Variants in TRPV5 observed in about 807,000 individuals in gnomAD.
The protein encoded by TRPV5 is calcium transport protein 2.
In TRPV5, 66 loss-of-function variants were observed where a neutral mutation model predicts 74.1. That is an observed-to-expected ratio of 0.89 (90% CI 0.73 to 1.09). The LOEUF (loss-of-function observed/expected upper bound fraction) is 1.09, where lower values mean the gene tolerates loss of function less well. Among genes scored for constraint, TRPV5 ranks in the 50% least tolerant of loss-of-function variants. The probability of loss-of-function intolerance (pLI) is 0.00; values close to 1 mark genes in which losing one functional copy is unlikely to be tolerated. For missense variants in TRPV5, 936 were observed against 930.4 expected (o/e 1.01, Z -0.08); for synonymous variants, 399 against 360.7 (o/e 1.11, Z -1.20).
chr7:142,926,507 G>A (rs1795992693), intron 7 of TRPV5, among the ~76,000 whole-genome samples: 1 of 152,120 alleles, frequency 6.6e-6, no homozygotes, highest in Non-Finnish European at 1.5e-5. Flanking sequence ...GGAGGAGAGA[G>A]ACAGTGGGCA....
intron 7 of TRPV5, among the ~76,000 whole-genome samples, chr7:142,926,775 T>C (rs1795995619): frequency 6.6e-6 from 1 of 152,184 alleles, no homozygotes; most frequent in African/African-American, 2.4e-5. Context: ...ATCCACACAG[T>C]GGGATTGTGC....
chr7:142,909,469 C>A (rs761623008), intron 14 of TRPV5, 21 bp downstream of exon 14: 1 of 1,612,836 alleles, frequency 6.2e-7, no homozygotes, highest in East Asian at 2.2e-5. Context: ...TGCAGTTTTG[C>A]ATGTGCACAC....
At chr7:142,909,356 T>C in intron 14 of TRPV5, 134 bp downstream of exon 14, 1 of 877,830 alleles carries the variant, frequency 1.1e-6, no homozygotes, top group Non-Finnish European at 1.7e-6. Context: ...CACAGCATTC[T>C]TCGTACCCCT....
In TRPV5 at chr7:142,928,229, G is replaced by T; in HGVS notation, c.768C>A (p.Phe256Leu). ...GCCTCCGCTTCTGCATCAGGTGCTG[G>T]AACATCTGAGAGACCACCAGGATGA... is the stretch of plus-strand genomic sequence containing the variant. ...LAGVEGNTVM[F>L]QHLMQKRRHI... The change falls in exon 7 of 15, where the codon TTC (phenylalanine) becomes TTA (leucine). Residue 256 changes from phenylalanine to leucine, a missense_variant. By Grantham distance (22) the Phe-to-Leu change is conservative. Transcript: ENST00000265310. 5 of 1,614,168 alleles carry T rather than the reference G, an allele frequency of 3.1e-6. No homozygotes were observed. Among genetic ancestry groups the T allele is most frequent in the Non-Finnish European group, 4.2e-6 (5 of 1,180,036 alleles).
At chr7:142,909,223 C>T (rs753951948) in intron 14 of TRPV5, among the ~76,000 whole-genome samples, 4 of 152,086 alleles carry the variant, frequency 2.6e-5, no homozygotes, top group Non-Finnish European at 5.9e-5. Flanking sequence ...AGATCCAAGC[C>T]AAAAGTACAC....
At chr7:142,927,691 G>A (rs969826968) in intron 7 of TRPV5, among the ~76,000 whole-genome samples, 4 of 152,282 alleles carry the variant, frequency 2.6e-5, no homozygotes, top group African/African-American at 9.6e-5. Context: ...CAAGAGGGAA[G>A]TCTGTCCCCA....
intron 8 of TRPV5, among the ~76,000 whole-genome samples, chr7:142,917,820 C>A (rs1795825304): frequency 6.6e-6 from 1 of 152,170 alleles, no homozygotes; most frequent in South Asian, 2.1e-4. Flanking sequence ...CCTTGCTGCT[C>A]TACAAGACCA....
chr7:142,927,202 C>T (rs1796003986), intron 7 of TRPV5, among the ~76,000 whole-genome samples: 1 of 152,172 alleles, frequency 6.6e-6, no homozygotes, highest in Non-Finnish European at 1.5e-5. Context: ...TCTGGTCTAT[C>T]CAAGCCAAGT....
In TRPV5 at chr7:142,908,303, C is replaced by G. The variant is rs1586210869; in HGVS notation, c.*211G>C. On this transcript the variant is annotated 3_prime_UTR_variant, in exon 15 of 15. Coordinates refer to ENST00000265310, the MANE Select transcript of TRPV5 (RefSeq NM_019841.7). ...TCCTGAGATGGGTGACTTGCAAGAG[C>G]CCAGAAAATACGTGAGACAATCGAT... 4.8e-5 allele frequency: 29 copies of G among 609,806 alleles called. No homozygotes were observed. The South Asian group carries it at 6.4e-4, about 13-fold the overall frequency. 37.8% of individuals were successfully genotyped at this position (609,806 alleles called of 1,614,324 possible).
Position 142,918,206 on chromosome 7 carries a change from G to T in TRPV5, c.1123-2638C>A, listed in dbSNP as rs538924275. ...TTTAATTTTAAAAATTTTATTCTTTGGGAATTGCATTCAAGATTTTTTTTT... is the reference window on the plus strand; with the variant it reads ...TTTAATTTTAAAAATTTTATTCTTTTGGAATTGCATTCAAGATTTTTTTTT... On this transcript the variant is annotated intron_variant, in intron 8 of 14. Transcript: ENST00000265310. 2.6e-5 allele frequency among the ~76,000 whole-genome samples: 4 copies of T among 152,176 alleles called. No homozygotes were observed. The East Asian group carries it at 7.7e-4, about 29-fold the overall frequency.
In TRPV5 at chr7:142,928,831, T is replaced by C. The variant is rs747262993; in HGVS notation, c.622A>G (p.Asn208Asp). ...TACATCTGGCAGGCAAAGGTTTTGT[T>C]GGGCTGGAGGATGAGGATGTGTAAT... ...TVLHILILQP[N>D]KTFACQMYNL... The change falls in exon 6 of 15, where the codon AAC becomes GAC. Residue 208 changes from asparagine (N) to aspartate (D), a missense_variant. Physicochemically the swap from Asn to Asp is conservative, Grantham distance 23. Transcript: ENST00000265310. 2.5e-6 allele frequency: 4 copies of C among 1,614,140 alleles called. No individual in the cohort carries two copies. Among genetic ancestry groups the C allele is most frequent in the Non-Finnish European group, 2.5e-6 (3 of 1,180,010 alleles).
At chr7:142,914,606 T>A in intron 12 of TRPV5, 34 bp downstream of exon 12, 1 of 1,549,578 alleles carries the variant, frequency 6.5e-7, no homozygotes, top group South Asian at 1.1e-5. Context: ...GAACTAGATC[T>A]GCTGATCTAG....
chr7:142,931,216 G>T (rs1796090627), intron 1 of TRPV5, among the ~76,000 whole-genome samples: 1 of 151,772 alleles, frequency 6.6e-6, no homozygotes, highest in Admixed American at 6.6e-5. Flanking sequence ...TAGAGATGGG[G>T]TTTTGCCATG....
chr7:142,916,722 C>G (rs1202427537), intron 8 of TRPV5, among the ~76,000 whole-genome samples: 1 of 152,128 alleles, frequency 6.6e-6, no homozygotes, highest in African/African-American at 2.4e-5. Flanking sequence ...TGCTAATCAG[C>G]TGGAACCTGT....
At chr7:142,923,047 G>A (rs1795910731) in intron 8 of TRPV5, among the ~76,000 whole-genome samples, 1 of 152,144 alleles carries the variant, frequency 6.6e-6, no homozygotes, top group Non-Finnish European at 1.5e-5. Flanking sequence ...CTTATAAAAT[G>A]CCAGATATTA....
At position 142,908,767 on chromosome 7, in the gene TRPV5, C is replaced by T. The variant is rs773132527; in HGVS notation, c.1937G>A (p.Arg646His). The T allele has an allele frequency of 5.0e-6, 8 of 1,613,698 alleles. No individual in the cohort carries two copies. The highest frequency in any genetic ancestry group is 1.7e-5 in the Admixed American group (1 of 60,022). The change falls in exon 15 of 15, where the codon CGC becomes CAC. Residue 646 changes from arginine (R) to histidine (H), a missense_variant. Arg to His is a conservative substitution (Grantham distance 29, BLOSUM62 0). Coordinates refer to ENST00000265310, the MANE Select transcript of TRPV5 (RefSeq NM_019841.7). ...HNDQNPLRVL[R>H]YVEVFKNSDK... ...TGAGTTCTTGAACACTTCCACATAG[C>T]GAAGCACTCGCAGAGGATTCTGATC...
At chr7:142,927,046 G>A (rs550720363) in intron 7 of TRPV5, among the ~76,000 whole-genome samples, 2 of 152,196 alleles carry the variant, frequency 1.3e-5, no homozygotes, top group South Asian at 2.1e-4. Flanking sequence ...ACAAATTTTC[G>A]TTTCCCTCAC....
rs996867017 is a variant in TRPV5, at chr7:142,933,364, G to A, written c.96C>T (p.His32=). 6.2e-7 allele frequency: 1 copy of A among 1,614,122 alleles called. No homozygotes were observed. Reference sequence around the variant, plus strand: ...GCTGCAGCATATGAAGCTTGTCCAGGTGCTGGTCCCAGTCTTGTTCTCTGA... The same window carrying A: ...GCTGCAGCATATGAAGCTTGTCCAGATGCTGGTCCCAGTCTTGTTCTCTGA... ...FLVREQDWDQ[H]LDKLHMLQQK... The change falls in exon 1 of 15, where the codon CAC becomes CAT. Residue 32 remains histidine (H), a synonymous_variant. Coordinates refer to ENST00000265310, the MANE Select transcript of TRPV5 (RefSeq NM_019841.7).
At chr7:142,929,332 C>T in intron 4 of TRPV5, 96 bp downstream of exon 4, 11 of 1,557,912 alleles carry the variant, frequency 7.1e-6, no homozygotes, top group Non-Finnish European at 9.6e-6. Context: ...AACTGCCCAA[C>T]AGATGGAGCT....
Sources: gnomAD v4.1 joint callset for allele counts (sites outside exome capture counted in the v4.1 genomes callset) on GRCh38, gnomAD v4.1.1 for gene constraint, MANE v1.5 for transcripts, NCBI Gene and HGNC (gene_info 2026-07-23, HGNC 2026-07-21) for gene names.